MXI1: variants seen among roughly 807,000 people sequenced by gnomAD.
The protein encoded by MXI1 is max-interacting protein 1.
MXI1 carries 18 observed loss-of-function variants against 36.9 expected under a neutral mutation model. The observed-to-expected ratio is 0.49, with a 90% CI of 0.34 to 0.72. MXI1 has a LOEUF of 0.72. Among genes scored for constraint, MXI1 ranks in the 30% least tolerant of loss-of-function variants. MXI1 has a pLI of 0.01. For synonymous variants in MXI1, 160 were observed against 146.7 expected, an observed-to-expected ratio of 1.09 and a Z score of -0.65; for missense variants, 304 against 379.1, an observed-to-expected ratio of 0.80 and a Z score of 1.64.
intron 3 of MXI1, among the ~76,000 whole-genome samples, chr10:110,276,838 CTTTT>C (rs1857050793): frequency 6.8e-6 from 1 of 147,870 alleles, no homozygotes; most frequent in Non-Finnish European, 1.5e-5. Flanking sequence ...TCTTTCTTTT[CTTTT>C]CTTTTTTTTT....
chr10:110,251,582 G>A (rs1177014523), intron 3 of MXI1, among the ~76,000 whole-genome samples: 1 of 151,942 alleles, frequency 6.6e-6, no homozygotes, highest in African/African-American at 2.4e-5. Flanking sequence ...AAAAGAAATT[G>A]AAGAAAATAC....
chr10:110,250,588 T>C (rs529741114), intron 3 of MXI1, among the ~76,000 whole-genome samples: 2 of 152,090 alleles, frequency 1.3e-5, no homozygotes, highest in South Asian at 2.1e-4. Context: ...CCCAACACTT[T>C]TGGGAGGCTG....
chr10:110,221,812 C>T (rs576483669), intron 1 of MXI1, among the ~76,000 whole-genome samples: 3 of 152,154 alleles, frequency 2.0e-5, no homozygotes, highest in Non-Finnish European at 4.4e-5. Context: ...CCTGGCGTTC[C>T]CCCCACCCCA....
intron 3 of MXI1, chr10:110,257,016 T>G (rs933917343): frequency 6.6e-6 from 1 of 152,188 alleles, no homozygotes; most frequent in Non-Finnish European, 1.5e-5. Context: ...ATGAAAAGAA[T>G]ATACCTTTCT....
intron 3 of MXI1, among the ~76,000 whole-genome samples, chr10:110,277,576 G>C (rs987449419): frequency 5.9e-5 from 9 of 152,166 alleles, no homozygotes; most frequent in Non-Finnish European, 1.3e-4. Context: ...CAGCAGGGGA[G>C]GAAAGTGACT....
At chr10:110,255,413 A>G (rs1374126780) in intron 3 of MXI1, among the ~76,000 whole-genome samples, 1 of 152,220 alleles carries the variant, frequency 6.6e-6, no homozygotes. Flanking sequence ...TGCTAACACA[A>G]CATCCATTCT....
intron 1 of MXI1, among the ~76,000 whole-genome samples, chr10:110,221,083 C>G (rs1854792948): frequency 6.6e-6 from 1 of 152,184 alleles, no homozygotes; most frequent in Admixed American, 6.5e-5. Context: ...CGGTCATCAC[C>G]AGGAGTGAAG....
At chr10:110,278,980 G>C (rs553935053) in intron 3 of MXI1, among the ~76,000 whole-genome samples, 200 bp from the exon 4 acceptor site, 1 of 152,196 alleles carries the variant, frequency 6.6e-6, no homozygotes, top group Non-Finnish European at 1.5e-5. Context: ...TCTAAAGTGA[G>C]TGTTGTCTAA....
chr10:110,285,104 CAAA>C lies in MXI1; in HGVS notation c.*119_*121del. 2 of 1,036,522 alleles carry C rather than the reference CAAA, an allele frequency of 1.9e-6. No individual in the cohort carries two copies. Among genetic ancestry groups the C allele is most frequent in the Non-Finnish European group, 2.6e-6 (2 of 756,116 alleles). The allele number at this position is 1,036,522 out of a possible 1,614,324, so 64.2% of individuals were successfully genotyped here. On this transcript the variant is annotated 3_prime_UTR_variant, in exon 6 of 6. Transcript: ENST00000332674. ...CTCTTTAAAACAAAACAAAACAAAACAAAACTATACTTGAACAAAAGGGTCAGA... is the reference window on the plus strand; with the variant it reads ...CTCTTTAAAACAAAACAAAACAAAACACTATACTTGAACAAAAGGGTCAGA...
chr10:110,212,242 G>A (rs1854533558), intron 1 of MXI1, among the ~76,000 whole-genome samples: 4 of 152,144 alleles, frequency 2.6e-5, no homozygotes. Context: ...GCTTTCCTAG[G>A]GGCACGGACA....
chr10:110,275,064 A>G (rs905736045), intron 3 of MXI1, among the ~76,000 whole-genome samples: 4 of 149,268 alleles, frequency 2.7e-5, no homozygotes, highest in African/African-American at 9.7e-5. Flanking sequence ...TAGTAGACAC[A>G]GGGTTTCACC....
intron 5 of MXI1, among the ~76,000 whole-genome samples, chr10:110,283,172 G>C (rs1265235477): frequency 1.3e-5 from 2 of 151,962 alleles, no homozygotes; most frequent in Non-Finnish European, 2.9e-5. Context: ...AACATCTCTA[G>C]AATCTCTAAA....
At chr10:110,208,741 C>CA (rs1854426761) in intron 1 of MXI1, 1 of 54,258 alleles carries the variant, frequency 1.8e-5, no homozygotes, top group African/African-American at 1.4e-4. Flanking sequence ...GCCACCGCCG[C>CA]CCCCCCCCCC....
intron 1 of MXI1, chr10:110,227,348 T>C: frequency 1.0e-6 from 1 of 978,798 alleles, no homozygotes; most frequent in Non-Finnish European, 1.2e-6. Context: ...GTGTGTGTGC[T>C]GAGATCGTGA....
chr10:110,208,133 G>T, intron 1 of MXI1, 51 bp downstream of exon 1: 1 of 1,543,454 alleles, frequency 6.5e-7, no homozygotes, highest in Non-Finnish European at 8.7e-7. Context: ...TTTCTTTCTC[G>T]CCCACTTGGG....
At chr10:110,230,892 T>A (rs897957436) in intron 2 of MXI1, among the ~76,000 whole-genome samples, 2 of 152,234 alleles carry the variant, frequency 1.3e-5, no homozygotes, top group African/African-American at 2.4e-5. Flanking sequence ...TGTCTTATTT[T>A]TTCCTGATCA....
chr10:110,224,812 T>C (rs890044950), intron 1 of MXI1, among the ~76,000 whole-genome samples: 3 of 152,022 alleles, frequency 2.0e-5, no homozygotes, highest in African/African-American at 7.2e-5. Context: ...CATGCCCGGC[T>C]AATTTTTGTA....
At chr10:110,236,515 G>A (rs1435159829) in intron 2 of MXI1, among the ~76,000 whole-genome samples, 1 of 152,050 alleles carries the variant, frequency 6.6e-6, no homozygotes, top group Admixed American at 6.6e-5. Flanking sequence ...GAGTGCAGTG[G>A]CATGATCATG....
intron 2 of MXI1, among the ~76,000 whole-genome samples, chr10:110,235,040 C>T (rs773571057): frequency 5.9e-5 from 9 of 152,198 alleles, no homozygotes; most frequent in Non-Finnish European, 1.0e-4. Context: ...TCCCCATGCC[C>T]CACCTCTCTC....
Sources: allele counts gnomAD v4.1 joint callset (sites outside exome capture counted in the v4.1 genomes callset), GRCh38; gene constraint gnomAD v4.1.1; transcripts MANE v1.5; gene names NCBI Gene and HGNC (gene_info 2026-07-23, HGNC 2026-07-21).